Variants in MTA3 observed in about 807,000 individuals in gnomAD.
MTA3 encodes the protein metastasis associated 1 family member 3.
In MTA3, 34 loss-of-function variants were observed where a neutral mutation model predicts 83.5. The ratio of observed to expected loss-of-function variants is 0.41; its 90% CI spans 0.31 to 0.54. The LOEUF is 0.54. Ranked by LOEUF, MTA3 falls within the 20% of genes least tolerant of loss-of-function variation. The pLI, the probability that MTA3 is intolerant of heterozygous loss-of-function variation, is 0.33. For missense variants in MTA3, 761 were observed against 726.4 expected, an observed-to-expected ratio of 1.05 and a Z score of -0.55; for synonymous variants, 303 against 252.7, an observed-to-expected ratio of 1.20 and a Z score of -1.89.
chr2:42,607,577 C>T (rs942525804), intron 3 of MTA3, among the ~76,000 whole-genome samples: 4 of 152,094 alleles, frequency 2.6e-5, no homozygotes, highest in African/African-American at 7.2e-5. Context: ...CTCCTGGGCT[C>T]AAGCGATCTG....
chr2:42,656,376 A>G, intron 7 of MTA3, 74 bp downstream of exon 7: 1 of 868,606 alleles, frequency 1.2e-6, no homozygotes, highest in Non-Finnish European at 1.7e-6. Flanking sequence ...ATGTATTTTT[A>G]TTTCTTTGTA....
chr2:42,733,789 T>C (rs1668406443), intron 16 of MTA3, among the ~76,000 whole-genome samples: 1 of 152,172 alleles, frequency 6.6e-6, no homozygotes, highest in Non-Finnish European at 1.5e-5. Context: ...TATGAGCCAC[T>C]GCACCTGGCC....
At chr2:42,573,278 C>G (rs910201205) in intron 2 of MTA3, among the ~76,000 whole-genome samples, 1 of 152,144 alleles carries the variant, frequency 6.6e-6, no homozygotes, top group Non-Finnish European at 1.5e-5. Flanking sequence ...CTAGGACATT[C>G]TTAGTTTGAA....
chr2:42,500,270 G>A (rs940389204), intron 2 of MTA3, among the ~76,000 whole-genome samples: 1 of 151,992 alleles, frequency 6.6e-6, no homozygotes, highest in African/African-American at 2.4e-5. Flanking sequence ...GTGGTGGTGG[G>A]CGCCTGTAAT....
At chr2:42,729,493 A>G (rs1312324794) in intron 16 of MTA3, among the ~76,000 whole-genome samples, 1 of 152,190 alleles carries the variant, frequency 6.6e-6, no homozygotes, top group Non-Finnish European at 1.5e-5. Flanking sequence ...ATTATTCTGC[A>G]TATGGCTATC....
At chr2:42,594,657 T>TAC (rs1681471370) in intron 3 of MTA3, among the ~76,000 whole-genome samples, 4 of 139,096 alleles carry the variant, frequency 2.9e-5, no homozygotes, top group African/African-American at 5.3e-5. Context: ...TATATAAATA[T>TAC]ATATATACAC....
At chr2:42,690,309 T>C (rs1366437346) in intron 9 of MTA3, among the ~76,000 whole-genome samples, 1 of 152,246 alleles carries the variant, frequency 6.6e-6, no homozygotes, top group Non-Finnish European at 1.5e-5. Flanking sequence ...ATTTCATTTT[T>C]TATGTAATTC....
chr2:42,707,842 T>A (rs967610632), intron 12 of MTA3, 61 bp from the exon 13 acceptor site: 1 of 1,403,362 alleles, frequency 7.1e-7, no homozygotes, highest in Non-Finnish European at 9.5e-7. Context: ...TTGATTATTT[T>A]GTGTTGATGT....
intron 6 of MTA3, among the ~76,000 whole-genome samples, chr2:42,649,924 C>T (rs551203956): frequency 9.9e-5 from 15 of 152,118 alleles, no homozygotes; most frequent in Middle Eastern, 3.2e-3. Context: ...TTATGCTTGG[C>T]GCAAATGGCA....
At chr2:42,508,461 A>C (rs538339556) in intron 2 of MTA3, among the ~76,000 whole-genome samples, 15 of 152,020 alleles carry the variant, frequency 9.9e-5, no homozygotes, top group African/African-American at 3.6e-4. Flanking sequence ...CCCCCTGAGC[A>C]TCTGGGACTA....
chr2:42,503,247 G>T (rs896805111), intron 2 of MTA3, among the ~76,000 whole-genome samples: 1 of 152,166 alleles, frequency 6.6e-6, no homozygotes, highest in Non-Finnish European at 1.5e-5. Flanking sequence ...ACCATATAGG[G>T]TAACTTTCTG....
rs1674248861 is a variant in MTA3 at position 42,498,550 on chromosome 2, G to T, written c.-141+3296G>T. ...AAAGCTATACATACTTACGGGGGAG[G>T]CGCACACATGCATAATTGGTACACA... On this transcript the variant is annotated intron_variant, in intron 2 of 17. Transcript: ENST00000405592. Among the ~76,000 whole-genome samples the T allele has an allele frequency of 3.3e-5, 5 of 152,314 alleles. No homozygotes were observed. In the South Asian group the frequency reaches 1.0e-3, roughly 32 times the overall value.
At chr2:42,669,624 A>G (rs1690613531) in intron 8 of MTA3, among the ~76,000 whole-genome samples, 1 of 152,226 alleles carries the variant, frequency 6.6e-6, no homozygotes, top group South Asian at 2.1e-4. Context: ...CATTAAAGCA[A>G]TAATATTCTA....
chr2:42,496,608 GA>G (rs35316146), intron 2 of MTA3, among the ~76,000 whole-genome samples: 35,232 of 121,330 alleles, frequency 0.29, 4,749 homozygotes, highest in African/African-American at 0.39. Flanking sequence ...CAGAACCTAG[GA>G]AAAAAAAAAA....
In MTA3 at chr2:42,556,969, C is replaced by T. The variant is rs187816034; in HGVS notation, c.-140-13468C>T. Among the ~76,000 whole-genome samples, 124 of 152,292 alleles carry T rather than the reference C, an allele frequency of 8.1e-4. 1 individual carries two copies. The highest frequency in any genetic ancestry group is 2.7e-3 in the African/African-American group (112 of 41,568). On this transcript the variant is annotated intron_variant, in intron 2 of 17. Transcript: ENST00000405592. ...TCAAGGGCAGAGGAAGGAGGCCCTA[C>T]GAAACGCTGGAAACTTCTCTCCTCC... is the stretch of plus-strand genomic sequence containing the variant.
chr2:42,672,518 G>A (rs1029403213), intron 8 of MTA3, among the ~76,000 whole-genome samples: 5 of 151,194 alleles, frequency 3.3e-5, no homozygotes, highest in African/African-American at 4.9e-5. Flanking sequence ...AGTGGTGGGC[G>A]CCTGTAATCC....
chr2:42,644,968 A>C (rs1248867114), intron 6 of MTA3, among the ~76,000 whole-genome samples: 1 of 152,132 alleles, frequency 6.6e-6, no homozygotes, highest in East Asian at 1.9e-4. Flanking sequence ...TAAGTGTTCA[A>C]GTGAAAGGAA....
At position 42,682,535 on chromosome 2, in the gene MTA3, T is replaced by C. The variant is rs1692022156; in HGVS notation, c.837T>C (p.Phe279=). ...GGTCAGCCTCTGAAGCTAGCTTATT[T>C]GAAGAGGCACTGGAAAAATATGGCA... ...EEWSASEASL[F]EEALEKYGKD... is the part of the protein sequence containing the mutation. The change falls in exon 9 of 17, where the codon TTT becomes TTC. Residue 279 remains phenylalanine, a synonymous_variant. Transcript: ENST00000405094. 6.2e-7 allele frequency: 1 copy of C among 1,612,882 alleles called. No homozygotes were observed. The highest frequency in any genetic ancestry group is 1.7e-5 in the Admixed American group (1 of 59,862).
intron 8 of MTA3, among the ~76,000 whole-genome samples, chr2:42,679,215 C>A (rs1691648512): frequency 6.6e-6 from 1 of 152,116 alleles, no homozygotes; most frequent in Admixed American, 6.6e-5. Context: ...AGAGAAACAT[C>A]ACTGCGATTA....
Sources: allele counts gnomAD v4.1 joint callset (sites outside exome capture counted in the v4.1 genomes callset), GRCh38; gene constraint gnomAD v4.1.1; transcripts MANE v1.5; gene names NCBI Gene and HGNC (gene_info 2026-07-23, HGNC 2026-07-21).